TFPI: variants seen among roughly 807,000 people sequenced by gnomAD.
TFPI encodes tissue factor pathway inhibitor, also known as anti-convertin.
TFPI carries 15 observed loss-of-function variants against 34.6 expected under a neutral mutation model. The observed-to-expected ratio is 0.43, with a 90% CI of 0.29 to 0.67. TFPI has a LOEUF of 0.67. TFPI is among the 30% of genes least tolerant of loss of function. The pLI is 0.15. For missense variants in TFPI, 301 were observed against 364.0 expected (o/e 0.83, Z 1.41); for synonymous variants, 105 against 120.1 (o/e 0.87, Z 0.82).
At chr2:187,518,385 T>G (rs190143227) in intron 1 of TFPI, 35 of 152,372 alleles carry the variant, frequency 2.3e-4, no homozygotes, top group African/African-American at 8.4e-4. Context: ...ATTTTATTTC[T>G]CTTTCCCTTA....
Position 187,541,557 on chromosome 2 carries a change from T to C in TFPI, c.-3+12643A>G, listed in dbSNP as rs141364587. Reference sequence around the variant, plus strand: ...CCATATGTAGCTATGGAGCTCAGAATAGAGGTCTCTGCTGGAGACAAAAAC... The same window carrying C: ...CCATATGTAGCTATGGAGCTCAGAACAGAGGTCTCTGCTGGAGACAAAAAC... On this transcript the variant is annotated intron_variant, in intron 1 of 7. Transcript: ENST00000233156. Among the ~76,000 whole-genome samples the C allele has an allele frequency of 2.6e-3, 400 of 152,326 alleles. 1 individual carries two copies. Among genetic ancestry groups the C allele is most frequent in the African/African-American group, 8.7e-3 (363 of 41,582 alleles).
intron 1 of TFPI, among the ~76,000 whole-genome samples, chr2:187,537,257 C>A (rs893185317): frequency 2.0e-5 from 3 of 152,100 alleles, no homozygotes; most frequent in South Asian, 2.1e-4. Context: ...TCATATGGAA[C>A]CAAAAAACAG....
intron 1 of TFPI, among the ~76,000 whole-genome samples, chr2:187,508,473 CT>C (rs1686383372): frequency 6.6e-6 from 1 of 152,174 alleles, no homozygotes; most frequent in African/African-American, 2.4e-5. Flanking sequence ...TTTGTGTCCT[CT>C]TTTATTTCCT....
intron 1 of TFPI, among the ~76,000 whole-genome samples, chr2:187,535,772 C>CA (rs1179203916): frequency 3.3e-5 from 5 of 151,662 alleles, no homozygotes; most frequent in Admixed American, 1.3e-4. Context: ...GGAAAAACTT[C>CA]AAAAAATCAC....
intron 1 of TFPI, chr2:187,526,883 A>G (rs1455569046): frequency 2.0e-5 from 3 of 152,090 alleles, no homozygotes; most frequent in African/African-American, 7.2e-5. Flanking sequence ...CCAGAAAAGA[A>G]AAAAAAATAA....
At chr2:187,488,469 A>C in intron 3 of TFPI, 94 bp from the exon 4 acceptor site, 2 of 739,352 alleles carry the variant, frequency 2.7e-6, no homozygotes, top group Admixed American at 3.1e-5. Context: ...CATATTTATT[A>C]CCATTAAAAT....
intron 1 of TFPI, 79 bp from the exon 2 acceptor site, chr2:187,503,849 T>C: frequency 6.8e-7 from 1 of 1,470,642 alleles, no homozygotes; most frequent in Non-Finnish European, 9.3e-7. Flanking sequence ...ACATCATATG[T>C]GTACCTCATA....
At chr2:187,501,234 T>C (rs1472826404) in intron 2 of TFPI, among the ~76,000 whole-genome samples, 1 of 152,168 alleles carries the variant, frequency 6.6e-6, no homozygotes, top group Non-Finnish European at 1.5e-5. Flanking sequence ...TTGAATCATT[T>C]GCCTTTGATG....
At position 187,511,326 on chromosome 2, in the gene TFPI, T is replaced by C. The variant is rs570465415; in HGVS notation, c.-2-7556A>G. On this transcript the variant is annotated intron_variant, in intron 1 of 7. Coordinates refer to ENST00000233156, the MANE Select transcript of TFPI (RefSeq NM_006287.6). ...GTTTTTGTTTTTGACTTGACTTGGA[T>C]GGCTTGATACTTTGGTTTTGGTTTT... is the stretch of plus-strand genomic sequence containing the variant. Among the ~76,000 whole-genome samples the C allele has an allele frequency of 2.0e-4, 31 of 152,312 alleles. No homozygotes were observed. In the South Asian group the frequency reaches 6.4e-3, roughly 32 times the overall value.
At chr2:187,552,914 C>T (rs1689144597) in intron 1 of TFPI, among the ~76,000 whole-genome samples, 1 of 151,932 alleles carries the variant, frequency 6.6e-6, no homozygotes, top group East Asian at 1.9e-4. Flanking sequence ...GATTAGTTAT[C>T]TGTATTTACA....
intron 3 of TFPI, 52 bp downstream of exon 3, chr2:187,496,829 A>T: frequency 6.8e-7 from 1 of 1,464,228 alleles, no homozygotes; most frequent in Non-Finnish European, 9.4e-7. Context: ...ATCCATAATT[A>T]GACTCAATAG....
intron 1 of TFPI, among the ~76,000 whole-genome samples, chr2:187,547,947 T>C (rs770933693): frequency 2.2e-4 from 33 of 152,146 alleles, no homozygotes; most frequent in Non-Finnish European, 4.3e-4. Context: ...AGAGATTTGA[T>C]ATTTTTGGAA....
intron 3 of TFPI, among the ~76,000 whole-genome samples, chr2:187,495,316 G>T (rs981460149): frequency 5.9e-5 from 9 of 152,146 alleles, no homozygotes; most frequent in Non-Finnish European, 1.2e-4. Flanking sequence ...GAGGCAACCA[G>T]GCTTCTAGCC....
At position 187,554,371 on chromosome 2, in the gene TFPI, C is replaced by T. The variant is rs1177498656; in HGVS notation, c.-174G>A. On this transcript the variant is annotated 5_prime_UTR_variant, in exon 1 of 8. Transcript: ENST00000233156. ...GTAACTGAAAGAAACGCAATCTGATCTTACTAGCAGTGAAAGAGCGAGGTA... is the reference window on the plus strand; with the variant it reads ...GTAACTGAAAGAAACGCAATCTGATTTTACTAGCAGTGAAAGAGCGAGGTA... 1.3e-5 allele frequency: 2 copies of T among 152,148 alleles called. No homozygotes were observed. The highest frequency in any genetic ancestry group is 3.9e-4 in the East Asian group (2 of 5,192). The allele number at this position is 152,148 out of a possible 1,614,324, so 9.4% of individuals were successfully genotyped here.
chr2:187,513,112 G>GT (rs1170123293), intron 1 of TFPI, among the ~76,000 whole-genome samples: 1 of 152,042 alleles, frequency 6.6e-6, no homozygotes, highest in Admixed American at 6.6e-5. Flanking sequence ...ACATTAAAAG[G>GT]TTAAAAAAAA....
intron 1 of TFPI, among the ~76,000 whole-genome samples, chr2:187,509,545 G>C (rs886341484): frequency 2.0e-5 from 3 of 152,148 alleles, no homozygotes; most frequent in African/African-American, 7.2e-5. Context: ...ATATGTCCAG[G>C]AACTTATCCA....
intron 1 of TFPI, among the ~76,000 whole-genome samples, chr2:187,545,268 TC>T (rs1204694426): frequency 6.6e-6 from 1 of 152,152 alleles, no homozygotes; most frequent in African/African-American, 2.4e-5. Flanking sequence ...TAAAAGAAAA[TC>T]CCTTGGAGAG....
Position 187,522,727 on chromosome 2 carries a change from C to CAA in TFPI, c.-2-18959_-2-18958dup, listed in dbSNP as rs145948076. On this transcript the variant is annotated intron_variant, in intron 1 of 7. Coordinates refer to ENST00000233156, the MANE Select transcript of TFPI (RefSeq NM_006287.6). Reference sequence around the variant, plus strand: ...TGAAACCCCGTCTCTACTAAAAATACAAAAAAAAAAAAAAAAACCCAGGCA... The same window carrying CAA: ...TGAAACCCCGTCTCTACTAAAAATACAAAAAAAAAAAAAAAAAAACCCAGGCA... Among the ~76,000 whole-genome samples the CAA allele has an allele frequency of 4.9e-3, 545 of 111,656 alleles. 5 individuals carry two copies. Among genetic ancestry groups the CAA allele is most frequent in the Middle Eastern group, 9.3e-3 (2 of 214 alleles). The allele number at this position is 111,656 out of a possible 152,430, so 73.3% of individuals were successfully genotyped here.
rs1216519285 is a variant in TFPI, at chr2:187,469,440, TCTC to T, written c.629-1511_629-1509del. 2.6e-5 allele frequency among the ~76,000 whole-genome samples: 4 copies of T among 152,244 alleles called. No individual in the cohort carries two copies. The East Asian group carries it at 5.8e-4, about 22-fold the overall frequency. On this transcript the variant is annotated intron_variant, in intron 6 of 7. Transcript: ENST00000233156. ...ATATGTAGCCCTTTATGTTTTACCT[TCTC>T]CTATGTGGGGATTATAGTGCGTGAT...
Sources: gnomAD v4.1 joint callset for allele counts (sites outside exome capture counted in the v4.1 genomes callset) on GRCh38, gnomAD v4.1.1 for gene constraint, MANE v1.5 for transcripts, NCBI Gene and HGNC (gene_info 2026-07-23, HGNC 2026-07-21) for gene names.